Variants in NAALAD2 observed in about 807,000 individuals in gnomAD.
NAALAD2 encodes the protein N-acetylated alpha-linked acidic dipeptidase 2.
A neutral mutation model predicts 95.6 loss-of-function variants in NAALAD2; 89 were observed. The observed-to-expected ratio is 0.93, with a 90% confidence interval of 0.78 to 1.11. The LOEUF (loss-of-function observed/expected upper bound fraction) is 1.11. NAALAD2 is among the 50% of genes least tolerant of loss of function. The pLI is 0.00. For missense variants in NAALAD2, 894 were observed against 872.4 expected (o/e 1.02, Z -0.31); for synonymous variants, 264 against 294.4 (o/e 0.90, Z 1.06).
At chr11:90,147,628 C>A in intron 3 of NAALAD2, 112 bp downstream of exon 3, 1 of 952,372 alleles carries the variant, frequency 1.1e-6, no homozygotes, top group Non-Finnish European at 1.6e-6. Flanking sequence ...TATTCAGTAT[C>A]CACTATGTGT....
rs907219173 is a variant in NAALAD2, at chr11:90,150,579, G to A, written c.581G>A (p.Arg194Lys). 1 of 1,599,932 alleles carries A rather than the reference G, an allele frequency of 6.3e-7. No individual in the cohort carries two copies. The highest frequency in any genetic ancestry group is 8.6e-7 in the Non-Finnish European group (1 of 1,168,786). The change falls in exon 5 of 19, where the codon AGA (arginine) becomes AAA (lysine). Residue 194 changes from arginine (R) to lysine (K), a missense_variant. Physicochemically the swap from Arg to Lys is conservative, Grantham distance 26 (BLOSUM62 2). Transcript: ENST00000534061. ...INCTGKIVIA[R>K]YGKIFRGNKV... is the part of the protein sequence containing the mutation. ...TGTACTGGGAAGATTGTTATTGCAA[G>A]ATATGGAAAAATCTTCAGAGGAAAT...
chr11:90,188,751 A>AAT (rs1565554377), intron 18 of NAALAD2, among the ~76,000 whole-genome samples: 2 of 152,214 alleles, frequency 1.3e-5, no homozygotes, highest in Admixed American at 6.5e-5. Context: ...AGTTGTGGGT[A>AAT]ATATATTGTA....
chr11:90,156,574 T>G (rs1450849594), intron 6 of NAALAD2, among the ~76,000 whole-genome samples: 1 of 152,124 alleles, frequency 6.6e-6, no homozygotes, highest in East Asian at 1.9e-4. Context: ...TAATATATTG[T>G]GGTTTTATTT....
chr11:90,135,149 G>A (rs551883169), intron 1 of NAALAD2: 2 of 349,028 alleles, frequency 5.7e-6, no homozygotes, highest in African/African-American at 4.1e-5. Context: ...CAACATTAGT[G>A]AGTCAAAACT....
chr11:90,170,635 T>A (rs1952605439), intron 13 of NAALAD2, among the ~76,000 whole-genome samples: 1 of 152,204 alleles, frequency 6.6e-6, no homozygotes, highest in Non-Finnish European at 1.5e-5. Flanking sequence ...ACTAGAATAT[T>A]TGATACTATG....
rs201080015 is a variant in NAALAD2, at chr11:90,163,296, G to A, written c.1076-14G>A. On this transcript the variant is annotated splice_polypyrimidine_tract_variant and intron_variant, in intron 9 of 18. Coordinates refer to ENST00000534061, the MANE Select transcript of NAALAD2 (RefSeq NM_005467.4). Reference sequence around the variant, plus strand: ...ATTCAAAGTTGTAGGTTTCTTGAACGTATTATTTTCCAGACAGGTATGTTA... The same window carrying A: ...ATTCAAAGTTGTAGGTTTCTTGAACATATTATTTTCCAGACAGGTATGTTA... 82 of 1,605,960 alleles carry A rather than the reference G, an allele frequency of 5.1e-5. No individual in the cohort carries two copies. Among genetic ancestry groups the A allele is most frequent in the Admixed American group, 1.7e-4 (10 of 58,076 alleles).
At chr11:90,135,380 A>G (rs1487806368) in intron 1 of NAALAD2, among the ~76,000 whole-genome samples, 179 bp from the exon 2 acceptor site, 1 of 152,222 alleles carries the variant, frequency 6.6e-6, no homozygotes, top group African/African-American at 2.4e-5. Context: ...ATTATATTAC[A>G]TATCAGAATT....
At chr11:90,181,778 A>G (rs1952981864) in intron 17 of NAALAD2, 77 bp downstream of exon 17, 1 of 894,914 alleles carries the variant, frequency 1.1e-6, no homozygotes, top group Admixed American at 2.4e-5. Flanking sequence ...TTTCACTCAT[A>G]TTAGCATTAA....
intron 2 of NAALAD2, among the ~76,000 whole-genome samples, chr11:90,138,675 A>G (rs1039433029): frequency 2.0e-5 from 3 of 147,506 alleles, no homozygotes; most frequent in African/African-American, 7.5e-5. Flanking sequence ...GGTGTCTACT[A>G]ACTTTTGAAT....
At chr11:90,138,763 A>ATTTTTTTTTTTTTTT (rs1951522839) in intron 2 of NAALAD2, among the ~76,000 whole-genome samples, 1 of 60,680 alleles carries the variant, frequency 1.6e-5, no homozygotes, top group Non-Finnish European at 3.3e-5. Flanking sequence ...TTTTTTTGCC[A>ATTTTTTTTTTTTTTT]TATTCACAAT....
intron 2 of NAALAD2, among the ~76,000 whole-genome samples, chr11:90,138,010 A>T (rs7104846): frequency 0.092 from 13,991 of 151,688 alleles, 886 homozygotes; most frequent in Middle Eastern, 0.17. Flanking sequence ...TAGGGTGCTG[A>T]CCCCCCATGC....
chr11:90,157,790 G>A (rs946660487), intron 6 of NAALAD2, among the ~76,000 whole-genome samples: 1 of 151,672 alleles, frequency 6.6e-6, no homozygotes, highest in Non-Finnish European at 1.5e-5. Context: ...GCGTGATCTC[G>A]GGTCACTGCA....
chr11:90,134,974 T>A (rs1951418622), intron 1 of NAALAD2, 134 bp downstream of exon 1: 2 of 887,146 alleles, frequency 2.3e-6, no homozygotes, highest in Admixed American at 4.7e-5. Context: ...TGATAAACTC[T>A]GCACATTTCA....
At chr11:90,182,850 TTAA>T in intron 17 of NAALAD2, 63 bp from the exon 18 acceptor site, 2 of 1,077,696 alleles carry the variant, frequency 1.9e-6, no homozygotes, top group Non-Finnish European at 2.8e-6. Flanking sequence ...TTGTTTTTAT[TTAA>T]TATTATTTTT....
chr11:90,191,750 G>T lies in NAALAD2; in HGVS notation c.*3G>T, dbSNP rs1272299812. 1 of 1,534,338 alleles carries T rather than the reference G, an allele frequency of 6.5e-7. No homozygotes were observed. The highest frequency in any genetic ancestry group is 8.8e-7 in the Non-Finnish European group (1 of 1,141,430). ...GAACTCTGAAAGAAGTATTATAGAA[G>T]GTCTCAAGTGGCTAGCCATTAAAGG... On this transcript the variant is annotated 3_prime_UTR_variant, in exon 19 of 19. Coordinates refer to ENST00000534061, the MANE Select transcript of NAALAD2 (RefSeq NM_005467.4).
intron 15 of NAALAD2, 84 bp downstream of exon 15, chr11:90,176,146 A>G: frequency 9.9e-7 from 1 of 1,006,590 alleles, no homozygotes; most frequent in African/African-American, 1.6e-5. Context: ...TTGGCACCAG[A>G]CACCTGGTGG....
At chr11:90,163,711 C>A in intron 11 of NAALAD2, 94 bp downstream of exon 11, 1 of 1,132,664 alleles carries the variant, frequency 8.8e-7, no homozygotes, top group East Asian at 2.5e-5. Context: ...ATTCCATTAC[C>A]TAATATGGTT....
chr11:90,190,101 T>C (rs1251084342), intron 18 of NAALAD2, among the ~76,000 whole-genome samples: 2 of 152,232 alleles, frequency 1.3e-5, no homozygotes, highest in Non-Finnish European at 2.9e-5. Flanking sequence ...CTGCTTCTTA[T>C]CTGAGAAAAT....
intron 6 of NAALAD2, among the ~76,000 whole-genome samples, chr11:90,155,678 G>T (rs1952082395): frequency 2.3e-5 from 1 of 43,396 alleles, no homozygotes; most frequent in Non-Finnish European, 3.6e-5. Context: ...TTGTATGTAT[G>T]TAATACATAC....
Sources: allele counts gnomAD v4.1 joint callset (sites outside exome capture counted in the v4.1 genomes callset), GRCh38; gene constraint gnomAD v4.1.1; transcripts MANE v1.5; gene names NCBI Gene and HGNC (gene_info 2026-07-23, HGNC 2026-07-21).